Variants in PXK observed in about 807,000 individuals in gnomAD.
The protein encoded by PXK is PX domain-containing protein kinase-like protein.
In PXK, 35 loss-of-function variants were observed where a neutral mutation model predicts 84.7. That is an observed-to-expected ratio of 0.41 (90% CI 0.32 to 0.55). The LOEUF (loss-of-function observed/expected upper bound fraction) is 0.55. PXK is among the 20% of genes least tolerant of loss of function. The pLI is 0.21. For missense variants in PXK, 634 were observed against 699.7 expected, an observed-to-expected ratio of 0.91 and a Z score of 1.06; for synonymous variants, 253 against 260.8, an observed-to-expected ratio of 0.97 and a Z score of 0.29.
chr3:58,384,753 G>A (rs1430858877), intron 4 of PXK, among the ~76,000 whole-genome samples: 37 of 152,196 alleles, frequency 2.4e-4, no homozygotes, highest in Admixed American at 2.3e-3. Context: ...TGTAGTGCAC[G>A]TGTAATGATG....
At chr3:58,419,532 C>T (rs558986206) in intron 17 of PXK, among the ~76,000 whole-genome samples, 6 of 152,342 alleles carry the variant, frequency 3.9e-5, no homozygotes, top group Non-Finnish European at 7.4e-5. Context: ...GGATTACAGG[C>T]GTGAGCCACC....
At chr3:58,382,482 ATGAGTG>A (rs1560003190) in intron 3 of PXK, 26 bp from the exon 4 acceptor site, 5 of 1,434,216 alleles carry the variant, frequency 3.5e-6, no homozygotes, top group Middle Eastern at 2.5e-4. Flanking sequence ...TGTGGATGAC[ATGAGTG>A]TAACTTTTTT....
chr3:58,424,766 C>G lies in PXK; in HGVS notation c.1543C>G (p.Pro515Ala). Residue 515 changes from proline to alanine, a missense_variant, in exon 18 of 18, where the codon CCT becomes GCT. Pro to Ala is a conservative substitution (Grantham distance 27, BLOSUM62 -1). Around this residue, in one of 3 missense-constraint regions of PXK, gnomAD observed 273 missense variants for 283.6 expected, o/e 0.96. Transcript: ENST00000356151. Reference sequence around the variant, plus strand: ...TTCCTCCACAGGGATATCTGCATTACCTCCACCTCCTCCACCTCCACCACC... The same window carrying G: ...TTCCTCCACAGGGATATCTGCATTAGCTCCACCTCCTCCACCTCCACCACC... ...PPSTSGISALPPPPPPPPPPA... is the reference protein window; with the variant it reads ...PPSTSGISALAPPPPPPPPPA... 1 of 1,613,676 alleles carries G rather than the reference C, an allele frequency of 6.2e-7. No individual in the cohort carries two copies.
intron 13 of PXK, among the ~76,000 whole-genome samples, chr3:58,405,412 C>G (rs1377034007): frequency 6.6e-6 from 1 of 152,138 alleles, no homozygotes; most frequent in East Asian, 1.9e-4. Context: ...GGCGTGGTGG[C>G]TCACGCTTGT....
chr3:58,383,765 T>G lies in PXK; in HGVS notation c.388+1065T>G, dbSNP rs1363796691. Among the ~76,000 whole-genome samples, 2 of 152,248 alleles carry G rather than the reference T, an allele frequency of 1.3e-5. No individual in the cohort carries two copies. The highest frequency in any genetic ancestry group is 2.9e-5 in the Non-Finnish European group (2 of 68,042). On this transcript the variant is annotated intron_variant, in intron 4 of 17. Coordinates refer to ENST00000356151, the MANE Select transcript of PXK (RefSeq NM_017771.5). The surrounding 1 kb of genome is among the most constrained non-coding windows in gnomAD (Gnocchi z 4.0). ...ACCTGATTTGTTTAAAGAGAAACCATGCTTTAGAGACTTTCTAAGTGGAAC... is the reference window on the plus strand; with the variant it reads ...ACCTGATTTGTTTAAAGAGAAACCAGGCTTTAGAGACTTTCTAAGTGGAAC...
At chr3:58,342,509 C>G (rs1333716344) in intron 1 of PXK, among the ~76,000 whole-genome samples, 1 of 151,818 alleles carries the variant, frequency 6.6e-6, no homozygotes, top group Admixed American at 6.6e-5. Context: ...GTAGTGCATG[C>G]CTGTAGTCCC....
rs1164457757 is a variant in PXK at position 58,407,684 on chromosome 3, C to G, written c.1231-1240C>G. Among the ~76,000 whole-genome samples, 1 of 152,076 alleles carries G rather than the reference C, an allele frequency of 6.6e-6. No homozygotes were observed. Among genetic ancestry groups the G allele is most frequent in the Non-Finnish European group, 1.5e-5 (1 of 68,022 alleles). ...TCAAGTGATCTTCCTGCCTCAGCCT[C>G]CCAAGTAGATTACAGGCGTGCACCA... On this transcript the variant is annotated intron_variant, in intron 13 of 17. Transcript: ENST00000356151. This position sits in a 1 kb window ranked among gnomAD's most constrained non-coding sequence, Gnocchi z 4.3.
At chr3:58,374,171 C>CTT (rs1229255234) in intron 3 of PXK, among the ~76,000 whole-genome samples, 3 of 135,214 alleles carry the variant, frequency 2.2e-5, no homozygotes, top group Non-Finnish European at 3.2e-5. Flanking sequence ...CATTTTCTTT[C>CTT]TTTTTTTTTT....
At chr3:58,337,475 G>T (rs2097643756) in intron 1 of PXK, among the ~76,000 whole-genome samples, 1 of 151,924 alleles carries the variant, frequency 6.6e-6, no homozygotes, top group Non-Finnish European at 1.5e-5. Context: ...TGGATTCCAA[G>T]GTCTTTTTTT....
chr3:58,341,773 G>A (rs113327931), intron 1 of PXK, among the ~76,000 whole-genome samples: 6,875 of 150,230 alleles, frequency 0.046, 551 homozygotes, highest in African/African-American at 0.16. Context: ...GTGTGATCTT[G>A]GCTCACTGCA....
At chr3:58,339,589 C>T (rs920759179) in intron 1 of PXK, among the ~76,000 whole-genome samples, 1 of 152,022 alleles carries the variant, frequency 6.6e-6, no homozygotes. Context: ...CCCTGTATAT[C>T]ATCTGTTTTG....
At chr3:58,382,774 G>A (rs1226827025) in intron 4 of PXK, 74 bp downstream of exon 4, 4 of 1,148,578 alleles carry the variant, frequency 3.5e-6, no homozygotes, top group Admixed American at 3.0e-5. Context: ...TAACGTATGT[G>A]GGAGAAATGT....
At position 58,409,948 on chromosome 3, in the gene PXK, T is replaced by G; in HGVS notation, c.1396-142T>G. ...TTTGGCTGTGACTTCTTCACTGTGTTAAGTTATGGGGCTGAATATTACCTT... is the reference window on the plus strand; with the variant it reads ...TTTGGCTGTGACTTCTTCACTGTGTGAAGTTATGGGGCTGAATATTACCTT... On this transcript the variant is annotated intron_variant, in intron 15 of 17. Transcript: ENST00000356151. This position sits in a 1 kb window ranked among gnomAD's most constrained non-coding sequence, Gnocchi z 4.2. 1.6e-6 allele frequency: 1 copy of G among 629,630 alleles called. No homozygotes were observed. Among genetic ancestry groups the G allele is most frequent in the Non-Finnish European group, 2.8e-6 (1 of 361,412 alleles). The allele number at this position is 629,630 out of a possible 1,614,324, so 39.0% of individuals were successfully genotyped here.
chr3:58,333,062 A>C lies in PXK; in HGVS notation c.74A>C (p.Glu25Ala). 1 of 1,330,300 alleles carries C rather than the reference A, an allele frequency of 7.5e-7. No individual in the cohort carries two copies. The highest frequency in any genetic ancestry group is 3.8e-5 in the East Asian group (1 of 26,308). The allele number at this position is 1,330,300 out of a possible 1,614,324, so 82.4% of individuals were successfully genotyped here. ...DDTVPLTAAIEASQSLQSHTE... is the reference protein window; with the variant it reads ...DDTVPLTAAIAASQSLQSHTE... ...ACGGTGCCGCTGACAGCAGCCATCG[A>C]GGCGAGCCAGAGCCTGCAGTCCCAC... is the stretch of plus-strand genomic sequence containing the variant. The change falls in exon 1 of 18, where the codon GAG becomes GCG. Residue 25 changes from glutamate to alanine, a missense_variant. Physicochemically the swap from Glu to Ala is moderately radical, Grantham distance 107 (BLOSUM62 -1). Around this residue, in one of 3 missense-constraint regions of PXK, gnomAD observed 353 missense variants for 385.2 expected, o/e 0.92. Coordinates refer to ENST00000356151, the MANE Select transcript of PXK (RefSeq NM_017771.5). This position sits in a 1 kb window ranked among gnomAD's most constrained non-coding sequence, Gnocchi z 5.4.
rs1031591497 is a variant in PXK at position 58,390,180 on chromosome 3, A to G, written c.389-402A>G. On this transcript the variant is annotated intron_variant, in intron 4 of 17. Transcript: ENST00000356151. The surrounding 1 kb of genome is among the most constrained non-coding windows in gnomAD (Gnocchi z 4.2). ...GCAACAGAGTGAGACCCTATCTCAA[A>G]AAACAAAAAACAAAACTAAACAAAA... Among the ~76,000 whole-genome samples, 3 of 151,984 alleles carry G rather than the reference A, an allele frequency of 2.0e-5. No homozygotes were observed. The highest frequency in any genetic ancestry group is 6.5e-5 in the Admixed American group (1 of 15,272).
chr3:58,366,000 C>G (rs527701935), intron 2 of PXK, 76 bp downstream of exon 2: 1 of 1,256,302 alleles, frequency 8.0e-7, no homozygotes, highest in African/African-American at 1.6e-5. Context: ...CTTGGGGCCT[C>G]TGAAAGTCTG....
At chr3:58,403,652 T>A (rs1320747170) in intron 12 of PXK, among the ~76,000 whole-genome samples, 2 of 152,178 alleles carry the variant, frequency 1.3e-5, no homozygotes, top group African/African-American at 4.8e-5. Context: ...GATACCCTAG[T>A]AACACAGTGG....
rs776001335 is a variant in PXK, at chr3:58,410,169, T to A, written c.1465+10T>A. The A allele has an allele frequency of 1.2e-5, 19 of 1,561,966 alleles. No individual in the cohort carries two copies. The South Asian group carries it at 2.1e-4, about 17-fold the overall frequency. ...AACTCCAATAATTCAGGTAACTGGT[T>A]ATAGATGGTAGTGGGGCCCAGGACA... On this transcript the variant is annotated intron_variant, in intron 16 of 17. Transcript: ENST00000356151.
chr3:58,395,328 A>G (rs1414724315), intron 8 of PXK, among the ~76,000 whole-genome samples: 1 of 152,216 alleles, frequency 6.6e-6, no homozygotes, highest in Non-Finnish European at 1.5e-5. Context: ...AATTATGTCC[A>G]TTACATGGCA....
Sources: allele counts gnomAD v4.1 joint callset (sites outside exome capture counted in the v4.1 genomes callset), GRCh38; gene constraint gnomAD v4.1.1; regional missense constraint gnomAD v4.1.1; non-coding constraint Gnocchi (gnomAD v3.1); transcripts MANE v1.5; gene names NCBI Gene and HGNC (gene_info 2026-07-23, HGNC 2026-07-21).